The following THSD7B variants were observed in gnomAD, a reference collection of about 807,000 sequenced individuals.
THSD7B encodes the protein thrombospondin type-1 domain-containing protein 7B.
Under a neutral mutation model 213.6 loss-of-function variants are expected in THSD7B, and 138 were observed. The ratio of observed to expected loss-of-function variants is 0.65; its 90% CI spans 0.56 to 0.74. The LOEUF is 0.74. Among genes scored for constraint, THSD7B ranks in the 30% least tolerant of loss-of-function variants. The probability of loss-of-function intolerance (pLI) is 0.00; values close to 1 mark genes in which losing one functional copy is unlikely to be tolerated. For missense variants in THSD7B, 1,931 were observed against 1,991.5 expected (o/e 0.97, Z 0.58); for synonymous variants, 742 against 687.0 (o/e 1.08, Z -1.25).
intron 7 of THSD7B, among the ~76,000 whole-genome samples, chr2:137,205,183 T>G (rs771341668): frequency 8.6e-5 from 13 of 151,966 alleles, no homozygotes; most frequent in Non-Finnish European, 1.6e-4. Context: ...CTGGATAGAG[T>G]GCCAGTGAAG....
intron 12 of THSD7B, among the ~76,000 whole-genome samples, chr2:137,342,692 C>A (rs1235741793): frequency 7.6e-6 from 1 of 132,342 alleles, no homozygotes; most frequent in African/African-American, 2.7e-5. Context: ...CCTTCTATAC[C>A]TAATTTGGTG....
intron 5 of THSD7B, among the ~76,000 whole-genome samples, chr2:137,149,317 C>T (rs1426214061): frequency 6.6e-6 from 1 of 152,176 alleles, no homozygotes; most frequent in African/African-American, 2.4e-5. Context: ...TCATGGAGAA[C>T]TTCTGCTAAG....
rs560002499 is a variant in THSD7B at position 136,842,119 on chromosome 2, G to C, written c.-35-40025G>C. ...GAATTTGTCAAATGAAAGGATTTAAGGACAACTGTTTTTAAAGAACATCTT... is the reference window on the plus strand; with the variant it reads ...GAATTTGTCAAATGAAAGGATTTAACGACAACTGTTTTTAAAGAACATCTT... On this transcript the variant is annotated intron_variant, in intron 1 of 27. Coordinates refer to ENST00000409968, the MANE Select transcript of THSD7B (RefSeq NM_001316349.2). Among the ~76,000 whole-genome samples the C allele has an allele frequency of 6.4e-4, 97 of 152,222 alleles. 1 individual carries two copies. The highest frequency in any genetic ancestry group is 3.4e-3 in the Middle Eastern group (1 of 294).
intron 14 of THSD7B, among the ~76,000 whole-genome samples, chr2:137,419,067 C>T (rs915240440): frequency 6.6e-6 from 1 of 151,964 alleles, no homozygotes; most frequent in Non-Finnish European, 1.5e-5. Context: ...GCCACCACAC[C>T]TAGCTAATTT....
chr2:137,510,242 CT>C (rs973921373), intron 15 of THSD7B, among the ~76,000 whole-genome samples: 3 of 151,972 alleles, frequency 2.0e-5, no homozygotes, highest in Admixed American at 2.0e-4. Flanking sequence ...TTTTACCCCC[CT>C]AGTTAAGTTT....
chr2:137,274,527 G>C (rs984086989), intron 11 of THSD7B, among the ~76,000 whole-genome samples: 1 of 152,074 alleles, frequency 6.6e-6, no homozygotes, highest in Non-Finnish European at 1.5e-5. Flanking sequence ...AAACTGGCCT[G>C]TCCTGACTTA....
At chr2:137,206,509 T>C (rs541537435) in intron 7 of THSD7B, among the ~76,000 whole-genome samples, 3 of 152,184 alleles carry the variant, frequency 2.0e-5, no homozygotes, top group Non-Finnish European at 4.4e-5. Flanking sequence ...GGTCCCATAC[T>C]CAAGCACTGA....
In THSD7B at chr2:137,667,763, A is replaced by G. The variant is rs766448155; in HGVS notation, c.4652-11A>G. 4 of 1,594,858 alleles carry G rather than the reference A, an allele frequency of 2.5e-6. No homozygotes were observed. The highest frequency in any genetic ancestry group is 1.1e-5 in the South Asian group (1 of 88,032). On this transcript the variant is annotated splice_polypyrimidine_tract_variant and intron_variant, in intron 26 of 27. Coordinates refer to ENST00000409968, the MANE Select transcript of THSD7B (RefSeq NM_001316349.2). The stretch of plus-strand genomic sequence containing the variant: ...ATGCTAAGCTTCTTATGTTATCTCT[A>G]TTTTAAACAGATGGCCGAGTAAAAA...
intron 20 of THSD7B, among the ~76,000 whole-genome samples, chr2:137,638,531 T>C (rs1326823220): frequency 3.3e-5 from 5 of 152,118 alleles, no homozygotes; most frequent in Admixed American, 3.3e-4. Context: ...ATTAATAGAG[T>C]AAATTGATAC....
chr2:137,109,677 C>T (rs1688313072), intron 4 of THSD7B, among the ~76,000 whole-genome samples: 1 of 152,106 alleles, frequency 6.6e-6, no homozygotes, highest in Admixed American at 6.5e-5. Context: ...TCTAATGCTG[C>T]TGCTGATCTA....
chr2:137,546,386 T>TTATATATATATATAA (rs1553458960), intron 15 of THSD7B, among the ~76,000 whole-genome samples: 2 of 33,336 alleles, frequency 6.0e-5, no homozygotes, highest in African/African-American at 3.7e-4. Flanking sequence ...AATATATATA[T>TTATATATATATATAA]TATATATATT....
intron 7 of THSD7B, among the ~76,000 whole-genome samples, chr2:137,213,488 T>C (rs1383029462): frequency 6.7e-6 from 1 of 148,550 alleles, no homozygotes; most frequent in Non-Finnish European, 1.5e-5. Flanking sequence ...TCATATGTTA[T>C]ATGTATTATA....
chr2:137,015,501 G>T (rs1413790994), intron 2 of THSD7B, among the ~76,000 whole-genome samples: 1 of 152,146 alleles, frequency 6.6e-6, no homozygotes, highest in Non-Finnish European at 1.5e-5. Context: ...GCATGGAATT[G>T]AGCATCGTGG....
intron 12 of THSD7B, among the ~76,000 whole-genome samples, chr2:137,300,433 T>C (rs892722844): frequency 6.6e-6 from 1 of 152,170 alleles, no homozygotes; most frequent in Admixed American, 6.5e-5. Context: ...TTTTATTTAC[T>C]ATTTTACTGA....
At chr2:137,529,337 G>T (rs1445948803) in intron 15 of THSD7B, among the ~76,000 whole-genome samples, 1 of 151,982 alleles carries the variant, frequency 6.6e-6, no homozygotes, top group Non-Finnish European at 1.5e-5. Flanking sequence ...ACAAAGGCAA[G>T]GTAGAGATTT....
At chr2:136,892,456 A>C (rs1352801072) in intron 2 of THSD7B, among the ~76,000 whole-genome samples, 1 of 151,826 alleles carries the variant, frequency 6.6e-6, no homozygotes, top group Non-Finnish European at 1.5e-5. Context: ...TATAGGAGCT[A>C]TTCAGCGTCT....
intron 15 of THSD7B, among the ~76,000 whole-genome samples, chr2:137,536,599 GA>G (rs1680511743): frequency 2.6e-5 from 4 of 151,456 alleles, no homozygotes; most frequent in Non-Finnish European, 1.5e-5. Context: ...TTTTAAGCAA[GA>G]AGAATAAAGG....
chr2:137,604,927 C>T (rs1331065858), intron 17 of THSD7B, among the ~76,000 whole-genome samples: 2 of 152,156 alleles, frequency 1.3e-5, no homozygotes, highest in Admixed American at 6.5e-5. Context: ...TGTAGGATTT[C>T]TAAATCATTA....
At position 137,411,650 on chromosome 2, in the gene THSD7B, T is replaced by A. The variant is rs957881346; in HGVS notation, c.2737T>A (p.Tyr913Asn). The A allele has an allele frequency of 2.5e-6, 4 of 1,613,978 alleles. No homozygotes were observed. The East Asian group carries it at 8.9e-5, about 36-fold the overall frequency. ...GGAGAAATGCCAGGATTCTGACCTTTACCCTCTAGTGGAGACAGAACTATG... is the reference window on the plus strand; with the variant it reads ...GGAGAAATGCCAGGATTCTGACCTTAACCCTCTAGTGGAGACAGAACTATG... ...KKEKCQDSDL[Y>N]PLVETELCPC... Residue 913 changes from tyrosine (Y) to asparagine (N), a missense_variant, in exon 14 of 28, where the codon TAC (tyrosine) becomes AAC (asparagine). Coordinates refer to ENST00000409968, the MANE Select transcript of THSD7B (RefSeq NM_001316349.2).
Sources: gnomAD v4.1 joint callset for allele counts (sites outside exome capture counted in the v4.1 genomes callset) on GRCh38, gnomAD v4.1.1 for gene constraint, MANE v1.5 for transcripts, NCBI Gene and HGNC (gene_info 2026-07-23, HGNC 2026-07-21) for gene names.